The following MRTFA variants were observed in gnomAD, a reference collection of about 807,000 sequenced individuals.
MRTFA encodes the protein myocardin related transcription factor A.
Under a neutral mutation model 83.5 loss-of-function variants are expected in MRTFA, and 20 were observed. The ratio of observed to expected loss-of-function variants is 0.24; its 90% confidence interval spans 0.17 to 0.35. The LOEUF (loss-of-function observed/expected upper bound fraction) is 0.35. Among genes scored for constraint, MRTFA ranks in the 10% least tolerant of loss-of-function variants. The pLI, the probability that MRTFA is intolerant of heterozygous loss-of-function variation, is 1.00. For missense variants in MRTFA, 1,200 were observed against 1,224.7 expected (o/e 0.98, Z 0.30); for synonymous variants, 659 against 541.2 (o/e 1.22, Z -3.02).
At chr22:40,627,625 A>G (rs2056596659) in intron 1 of MRTFA, among the ~76,000 whole-genome samples, 1 of 152,260 alleles carries the variant, frequency 6.6e-6, no homozygotes, top group South Asian at 2.1e-4. Flanking sequence ...GACATTTACT[A>G]GAGGCAAAGT....
At chr22:40,444,077 A>G (rs1326393141) in intron 4 of MRTFA, among the ~76,000 whole-genome samples, 1 of 152,232 alleles carries the variant, frequency 6.6e-6, no homozygotes, top group African/African-American at 2.4e-5. Context: ...CCACCTGGTC[A>G]TAACGAGATG....
intron 1 of MRTFA, among the ~76,000 whole-genome samples, chr22:40,627,498 T>C (rs2056595389): frequency 6.6e-6 from 1 of 152,212 alleles, no homozygotes; most frequent in Non-Finnish European, 1.5e-5. Flanking sequence ...ACCAGATACA[T>C]ATAATGAATA....
chr22:40,619,823 G>A (rs1602503232), intron 1 of MRTFA, among the ~76,000 whole-genome samples: 1 of 147,180 alleles, frequency 6.8e-6, no homozygotes, highest in East Asian at 2.0e-4. Context: ...CTGGGAGGTG[G>A]AGCTTGCAGT....
chr22:40,548,008 T>C (rs1287615044), intron 3 of MRTFA, among the ~76,000 whole-genome samples: 4 of 152,142 alleles, frequency 2.6e-5, no homozygotes, highest in Non-Finnish European at 5.9e-5. Context: ...AAAGGCTCAC[T>C]CATTGCTGAG....
chr22:40,534,457 C>CA (rs1003742769), intron 3 of MRTFA, among the ~76,000 whole-genome samples: 17 of 152,284 alleles, frequency 1.1e-4, no homozygotes, highest in African/African-American at 4.1e-4. Flanking sequence ...ATTTCATTTA[C>CA]TTTTTTTGTA....
At chr22:40,526,205 T>G (rs549143826) in intron 3 of MRTFA, 7 of 152,056 alleles carry the variant, frequency 4.6e-5, no homozygotes, top group Non-Finnish European at 1.0e-4. Context: ...GTTGTTGTTG[T>G]TGCTGTTTCA....
intron 2 of MRTFA, among the ~76,000 whole-genome samples, chr22:40,579,282 C>G (rs993068748): frequency 5.3e-5 from 8 of 152,216 alleles, no homozygotes; most frequent in African/African-American, 1.9e-4. Context: ...TTGTCATAAT[C>G]TATCCCTCAC....
intron 1 of MRTFA, among the ~76,000 whole-genome samples, chr22:40,618,082 T>TG (rs1328342645): frequency 6.7e-6 from 1 of 149,540 alleles, no homozygotes; most frequent in East Asian, 2.0e-4. Flanking sequence ...TGTTTTTTGT[T>TG]TTTTTTTTTT....
At chr22:40,585,334 T>C (rs961038916) in intron 2 of MRTFA, among the ~76,000 whole-genome samples, 14 of 152,192 alleles carry the variant, frequency 9.2e-5, no homozygotes, top group African/African-American at 3.4e-4. Context: ...TGCTGTATGA[T>C]TCCACTTATA....
intron 1 of MRTFA, among the ~76,000 whole-genome samples, chr22:40,635,774 C>A (rs2056689915): frequency 6.6e-6 from 1 of 152,174 alleles, no homozygotes; most frequent in African/African-American, 2.4e-5. Flanking sequence ...AACAAACAAC[C>A]GTATGCGATT....
intron 3 of MRTFA, among the ~76,000 whole-genome samples, chr22:40,466,539 C>T (rs570892007): frequency 6.6e-6 from 1 of 152,268 alleles, no homozygotes; most frequent in East Asian, 1.9e-4. Flanking sequence ...AGGATAAAAT[C>T]TAAGAGGGAT....
At chr22:40,466,907 G>A (rs2053820432) in intron 3 of MRTFA, among the ~76,000 whole-genome samples, 1 of 151,850 alleles carries the variant, frequency 6.6e-6, no homozygotes, top group Non-Finnish European at 1.5e-5. Flanking sequence ...GGAGATTACA[G>A]TAAAGGCATA....
rs1210675215 is a variant in MRTFA at position 40,419,198 on chromosome 22, G to A, written c.1540C>T (p.Arg514Trp). Residue 514 changes from arginine to tryptophan, a missense_variant, in exon 12 of 15, where the codon CGG becomes TGG. This residue lies in a region of MRTFA where 1,107 missense variants were observed against 1,041.8 expected (regional missense o/e 1.06). Coordinates refer to ENST00000355630, the MANE Select transcript of MRTFA (RefSeq NM_020831.6). ...ACCAGGGCTGGCCCCGTGCTCAGCC[G>A]GGCCGCTGGGAAGGCTACCACCACC... is the stretch of plus-strand genomic sequence containing the variant. 1.1e-5 allele frequency: 18 copies of A among 1,592,286 alleles called. No individual in the cohort carries two copies. Among genetic ancestry groups the A allele is most frequent in the African/African-American group, 4.0e-5 (3 of 74,272 alleles).
At chr22:40,457,423 T>TGAAAGAAAGAAAGAGAAA (rs200915977) in intron 4 of MRTFA, among the ~76,000 whole-genome samples, 1 of 52,238 alleles carries the variant, frequency 1.9e-5, no homozygotes, top group Non-Finnish European at 4.4e-5. Flanking sequence ...AGAGACAGAA[T>TGAAAGAAAGAAAGAGAAA]GAAAGAAAGA....
chr22:40,450,436 CT>C (rs895526452), intron 4 of MRTFA, among the ~76,000 whole-genome samples: 54 of 146,228 alleles, frequency 3.7e-4, no homozygotes, highest in African/African-American at 5.0e-4. Flanking sequence ...TTTCAATTTT[CT>C]TTTTTTTTTT....
chr22:40,454,289 T>C (rs924987795), intron 4 of MRTFA, among the ~76,000 whole-genome samples: 1 of 152,164 alleles, frequency 6.6e-6, no homozygotes, highest in Non-Finnish European at 1.5e-5. Flanking sequence ...CTAATTTCTG[T>C]ATTTTTTGTA....
At chr22:40,478,669 AG>A (rs1324473890) in intron 3 of MRTFA, among the ~76,000 whole-genome samples, 1 of 152,184 alleles carries the variant, frequency 6.6e-6, no homozygotes, top group Admixed American at 6.5e-5. Flanking sequence ...CAGACAACAC[AG>A]CCACTTCATA....
chr22:40,614,230 T>TAAAAAATAAA (rs886658949), intron 1 of MRTFA, among the ~76,000 whole-genome samples: 7 of 148,936 alleles, frequency 4.7e-5, no homozygotes, highest in African/African-American at 1.7e-4. Flanking sequence ...AATAAATAAA[T>TAAAAAATAAA]AAAAAATAAA....
chr22:40,516,555 T>A, intron 3 of MRTFA, among the ~76,000 whole-genome samples: 1 of 150,208 alleles, frequency 6.7e-6, no homozygotes, highest in Non-Finnish European at 1.5e-5. Context: ...ACACAGCAAA[T>A]GTTCCTACTC....
Sources: allele counts gnomAD v4.1 joint callset (sites outside exome capture counted in the v4.1 genomes callset), GRCh38; gene constraint gnomAD v4.1.1; regional missense constraint gnomAD v4.1.1; transcripts MANE v1.5; gene names NCBI Gene and HGNC (gene_info 2026-07-23, HGNC 2026-07-21).